DMD: variants seen among roughly 807,000 people sequenced by gnomAD.
DMD encodes dystrophin.
In DMD, 63 loss-of-function variants were observed where a neutral mutation model predicts 330.1. The observed-to-expected ratio is 0.19, with a 90% CI of 0.16 to 0.24. The LOEUF (loss-of-function observed/expected upper bound fraction) is 0.24. DMD is among the 10% of genes least tolerant of loss of function. The pLI is 1.00. For synonymous variants in DMD, 1,223 were observed against 959.8 expected (o/e 1.27, Z -5.07); for missense variants, 3,344 against 2,684.1 (o/e 1.25, Z -5.43).
chrX:33,254,940 C>T (rs1319508490), intron 1 of DMD, among the ~76,000 whole-genome samples: 1 of 110,681 alleles, frequency 9.0e-6, no homozygotes, highest in Non-Finnish European at 1.9e-5. Context: ...CTCACGTGTG[C>T]AATTACACCA....
At chrX:32,406,483 A>G (rs376164453) in intron 30 of DMD, among the ~76,000 whole-genome samples, 2 of 109,280 alleles carry the variant, frequency 1.8e-5, no homozygotes, top group African/African-American at 7.0e-5. Flanking sequence ...ATATTGTCAA[A>G]GGCCTTTTCT....
chrX:31,611,421 A>G (rs1396547800), intron 55 of DMD, among the ~76,000 whole-genome samples: 1 of 111,204 alleles, frequency 9.0e-6, no homozygotes, highest in Non-Finnish European at 1.9e-5. Flanking sequence ...TTAAAATAAG[A>G]TATTTTGCAC....
intron 11 of DMD, among the ~76,000 whole-genome samples, chrX:32,640,152 T>TA (rs1191560194): frequency 3.7e-5 from 4 of 109,565 alleles, no homozygotes; most frequent in Non-Finnish European, 7.6e-5. Context: ...AAATTACATA[T>TA]AAAAAGTGAC....
chrX:32,548,481 A>C (rs777324841), intron 16 of DMD, among the ~76,000 whole-genome samples: 1 of 111,864 alleles, frequency 8.9e-6, no homozygotes, highest in South Asian at 3.7e-4. Flanking sequence ...AAACAACCTC[A>C]TGTCATAGAT....
chrX:33,147,548 T>C (rs1000529422), intron 1 of DMD, among the ~76,000 whole-genome samples: 1 of 112,230 alleles, frequency 8.9e-6, no homozygotes, highest in African/African-American at 3.2e-5. Flanking sequence ...TTTTTGTCTC[T>C]AAATTTACAA....
intron 7 of DMD, among the ~76,000 whole-genome samples, chrX:32,727,711 G>C (rs778430379): frequency 4.5e-5 from 5 of 110,317 alleles, no homozygotes; most frequent in Non-Finnish European, 9.5e-5. Flanking sequence ...TAAATATAAA[G>C]GTTTCTATGA....
At chrX:31,307,484 A>G (rs1441864973) in intron 62 of DMD, among the ~76,000 whole-genome samples, 1 of 111,750 alleles carries the variant, frequency 8.9e-6, no homozygotes, top group Admixed American at 9.6e-5. Flanking sequence ...TTTCAGTAAA[A>G]AGAAATGGCT....
intron 4 of DMD, among the ~76,000 whole-genome samples, chrX:32,833,943 C>A (rs970386083): frequency 4.5e-5 from 5 of 110,394 alleles, no homozygotes; most frequent in African/African-American, 1.6e-4. Context: ...ACAACTCACC[C>A]AGAAAATTAT....
intron 1 of DMD, among the ~76,000 whole-genome samples, chrX:33,131,417 T>C (rs1328878371): frequency 2.7e-5 from 3 of 112,023 alleles, no homozygotes; most frequent in Non-Finnish European, 5.6e-5. Flanking sequence ...CCCATTGACA[T>C]GTTGTTATCA....
At chrX:32,398,936 C>G (rs1430167135) in intron 30 of DMD, among the ~76,000 whole-genome samples, 1 of 111,448 alleles carries the variant, frequency 9.0e-6, no homozygotes, top group East Asian at 2.8e-4. Flanking sequence ...GAGATAAATC[C>G]ATACATCTAC....
At chrX:32,367,790 T>C (rs1283749050) in intron 34 of DMD, among the ~76,000 whole-genome samples, 3 of 112,031 alleles carry the variant, frequency 2.7e-5, no homozygotes, top group Admixed American at 9.5e-5. Context: ...AATTATAAAT[T>C]AAAACTAAAA....
At chrX:32,668,957 C>A (rs2061476657) in intron 9 of DMD, among the ~76,000 whole-genome samples, 1 of 111,185 alleles carries the variant, frequency 9.0e-6, no homozygotes, top group Non-Finnish European at 1.9e-5. Context: ...GAAAAATCAA[C>A]ATTTATAGGT....
At chrX:33,084,875 T>C (rs2094982197) in intron 1 of DMD, among the ~76,000 whole-genome samples, 1 of 111,313 alleles carries the variant, frequency 9.0e-6, no homozygotes, top group Admixed American at 9.7e-5. Flanking sequence ...TCAGTTAAGT[T>C]AGATCTCTTT....
intron 55 of DMD, among the ~76,000 whole-genome samples, chrX:31,509,949 C>T (rs866198593): frequency 2.1e-4 from 23 of 111,941 alleles, no homozygotes; most frequent in Middle Eastern, 4.6e-3. Flanking sequence ...CCTGCCAAGT[C>T]TTCATAGATA....
intron 47 of DMD, among the ~76,000 whole-genome samples, chrX:31,907,444 C>CA (rs2094491788): frequency 9.0e-6 from 1 of 111,094 alleles, no homozygotes. Context: ...ACAAACCTGA[C>CA]AAAAAACAAG....
intron 13 of DMD, among the ~76,000 whole-genome samples, chrX:32,585,980 A>G (rs1398983403): frequency 9.1e-6 from 1 of 110,487 alleles, no homozygotes; most frequent in African/African-American, 3.3e-5. Context: ...ATAAATTGAA[A>G]TCTAGCGTTA....
chrX:31,570,570 A>T (rs2075754744), intron 55 of DMD, among the ~76,000 whole-genome samples: 1 of 111,736 alleles, frequency 8.9e-6, no homozygotes, highest in African/African-American at 3.2e-5. Flanking sequence ...CTAAACAGAG[A>T]AAACACATTA....
intron 7 of DMD, among the ~76,000 whole-genome samples, chrX:32,727,004 C>T (rs776903315): frequency 3.6e-5 from 4 of 110,435 alleles, no homozygotes; most frequent in Non-Finnish European, 7.6e-5. Flanking sequence ...AAGACCTTTT[C>T]AAATGGTTAA....
intron 2 of DMD, among the ~76,000 whole-genome samples, chrX:33,006,421 T>C (rs1480755725): frequency 8.9e-6 from 1 of 111,895 alleles, no homozygotes; most frequent in African/African-American, 3.2e-5. Flanking sequence ...CAGAATAGTG[T>C]GGAAATAGAC....
Sources: allele counts gnomAD v4.1 joint callset (sites outside exome capture counted in the v4.1 genomes callset), GRCh38; gene constraint gnomAD v4.1.1; transcripts MANE v1.5; gene names NCBI Gene and HGNC (gene_info 2026-07-23, HGNC 2026-07-21).